The following CDC42SE2 variants were observed in gnomAD, a reference collection of about 807,000 sequenced individuals.
CDC42SE2 encodes the protein CDC42 small effector 2.
A neutral mutation model predicts 11.5 loss-of-function variants in CDC42SE2; 3 were observed. The observed-to-expected ratio is 0.26, with a 90% confidence interval of 0.12 to 0.67. The LOEUF is 0.67. Among genes scored for constraint, CDC42SE2 ranks in the 30% least tolerant of loss-of-function variants. CDC42SE2 has a pLI of 0.80. For synonymous variants in CDC42SE2, 33 were observed against 34.8 expected, an observed-to-expected ratio of 0.95 and a Z score of 0.18; for missense variants, 82 against 106.8, an observed-to-expected ratio of 0.77 and a Z score of 1.02.
chr5:131,327,137 T>C (rs1758316335), intron 2 of CDC42SE2, among the ~76,000 whole-genome samples: 1 of 152,216 alleles, frequency 6.6e-6, no homozygotes, highest in African/African-American at 2.4e-5. Flanking sequence ...CTAACTCCAT[T>C]CCTGCTTTTC....
At chr5:131,242,181 G>A (rs562578061), upstream of CDC42SE2, among the ~76,000 whole-genome samples, 1 of 152,202 alleles carries the variant, frequency 6.6e-6, no homozygotes, top group Admixed American at 6.5e-5. Context: ...TATTTCCACA[G>A]CGAAATCTAA....
At chr5:131,248,350 G>T (rs186001359) in intron 1 of CDC42SE2, among the ~76,000 whole-genome samples, 1 of 151,884 alleles carries the variant, frequency 6.6e-6, no homozygotes, top group Admixed American at 6.6e-5. Flanking sequence ...GTGTTGGTCA[G>T]GCTGGTCTCA....
At chr5:131,372,516 A>G (rs959863492) in intron 3 of CDC42SE2, among the ~76,000 whole-genome samples, 2 of 152,078 alleles carry the variant, frequency 1.3e-5, no homozygotes, top group African/African-American at 4.8e-5. Context: ...GATAAAGACC[A>G]TCCTGGCTAA....
intron 2 of CDC42SE2, among the ~76,000 whole-genome samples, chr5:131,322,157 AT>A (rs1322504810): frequency 6.6e-6 from 1 of 151,920 alleles, no homozygotes; most frequent in African/African-American, 2.4e-5. Flanking sequence ...GCAGAAAAAA[AT>A]TTTTTTTATA....
At chr5:131,276,371 C>T (rs1201626232) in intron 1 of CDC42SE2, among the ~76,000 whole-genome samples, 1 of 151,366 alleles carries the variant, frequency 6.6e-6, no homozygotes, top group East Asian at 1.9e-4. Flanking sequence ...ATTGCTTGAG[C>T]CTAGAAGGTT....
At chr5:131,241,782 C>A (rs1024349527), upstream of CDC42SE2, among the ~76,000 whole-genome samples, 1 of 152,112 alleles carries the variant, frequency 6.6e-6, no homozygotes, top group Non-Finnish European at 1.5e-5. Context: ...CAAATGTCAT[C>A]TTCTCAGTGA....
chr5:131,273,648 T>C (rs1757040486), intron 1 of CDC42SE2, among the ~76,000 whole-genome samples: 1 of 151,230 alleles, frequency 6.6e-6, no homozygotes, highest in African/African-American at 2.4e-5. Flanking sequence ...CGGCTGGTGC[T>C]TGTAGTCCCA....
rs11370516 is a variant in CDC42SE2 at position 131,268,754 on chromosome 5, C to CTTTTT, written c.-455+4605_-455+4609dup. ...AGCATGAGCCACCACACCCGGATTG[C>CTTTTT]TTTTTTTTTTTTTTTTTTTTTGAGA... On this transcript the variant is annotated intron_variant, in intron 1 of 4. Transcript: ENST00000505065. 4.0e-4 allele frequency among the ~76,000 whole-genome samples: 39 copies of CTTTTT among 96,862 alleles called. 3 individuals carry two copies. Among genetic ancestry groups the CTTTTT allele is most frequent in the South Asian group, 1.5e-3 (4 of 2,616 alleles). 63.5% of individuals were successfully genotyped at this position (96,862 alleles called of 152,430 possible). A position where few individuals can be genotyped will look rare whatever the true frequency, so the allele number is the denominator to read the frequency against.
intron 2 of CDC42SE2, among the ~76,000 whole-genome samples, chr5:131,258,450 C>G (rs1451570979): frequency 2.6e-5 from 4 of 152,144 alleles, no homozygotes; most frequent in Non-Finnish European, 5.9e-5. Flanking sequence ...CTTGACATAG[C>G]AGAGTGACCC....
chr5:131,373,749 G>A (rs1193360506), intron 3 of CDC42SE2, among the ~76,000 whole-genome samples: 3 of 152,146 alleles, frequency 2.0e-5, no homozygotes, highest in Non-Finnish European at 4.4e-5. Context: ...ATAGGTCTCA[G>A]ATGATAAGAC....
rs74869102 is a variant in CDC42SE2, at chr5:131,267,984, C to T, written c.-455+3818C>T. On this transcript the variant is annotated intron_variant, in intron 1 of 4. Transcript: ENST00000505065. ...ATGTTAGTAATGTTTTAGTCAGTCT[C>T]AGGGGGACATTATAGTTTTCCTGTG... Among the ~76,000 whole-genome samples, 1,463 of 150,168 alleles carry T rather than the reference C, an allele frequency of 9.7e-3. 25 individuals are homozygous for T. The highest frequency in any genetic ancestry group is 0.034 in the African/African-American group (1,381 of 40,744).
intron 3 of CDC42SE2, among the ~76,000 whole-genome samples, chr5:131,376,315 C>T (rs1420192523): frequency 6.6e-6 from 1 of 151,792 alleles, no homozygotes; most frequent in Non-Finnish European, 1.5e-5. Context: ...GTGGCTGAGA[C>T]AAGAAGTGAG....
At chr5:131,357,407 T>C (rs798416) in intron 2 of CDC42SE2, among the ~76,000 whole-genome samples, 35,266 of 152,112 alleles carry the variant, frequency 0.23, 4,458 homozygotes, top group East Asian at 0.49. Flanking sequence ...AACTTTACAT[T>C]ACATCTTTAT....
chr5:131,332,536 T>A (rs1457198642), intron 2 of CDC42SE2, among the ~76,000 whole-genome samples: 1 of 151,902 alleles, frequency 6.6e-6, no homozygotes, highest in African/African-American at 2.4e-5. Context: ...CCCTGAGGAA[T>A]TGCCACACCA....
At chr5:131,335,838 C>G (rs1304854458) in intron 2 of CDC42SE2, among the ~76,000 whole-genome samples, 1 of 152,184 alleles carries the variant, frequency 6.6e-6, no homozygotes, top group African/African-American at 2.4e-5. Context: ...TTCCTCCATC[C>G]CTTTATTTTG....
At chr5:131,337,701 T>G (rs1207107343) in intron 2 of CDC42SE2, among the ~76,000 whole-genome samples, 1 of 152,224 alleles carries the variant, frequency 6.6e-6, no homozygotes, top group African/African-American at 2.4e-5. Context: ...GCTGCTACTT[T>G]GCAGTTTGAT....
At chr5:131,291,334 G>A (rs1322075158) in intron 1 of CDC42SE2, among the ~76,000 whole-genome samples, 1 of 152,002 alleles carries the variant, frequency 6.6e-6, no homozygotes, top group East Asian at 1.9e-4. Context: ...CAGGTTCCTG[G>A]GAACCACTCC....
chr5:131,241,971 T>G (rs574817625), upstream of CDC42SE2, among the ~76,000 whole-genome samples: 1 of 152,332 alleles, frequency 6.6e-6, no homozygotes, highest in South Asian at 2.1e-4. Context: ...TTTCACTATC[T>G]TGCCACTTGA....
chr5:131,236,723 C>T, the CDC42SE2 span, among the ~76,000 whole-genome samples: 6 of 152,264 alleles, frequency 3.9e-5, no homozygotes, highest in East Asian at 3.9e-4. Context: ...CACACTCAAC[C>T]GATTAAATTT....
Sources: allele counts gnomAD v4.1 joint callset (sites outside exome capture counted in the v4.1 genomes callset), GRCh38; gene constraint gnomAD v4.1.1; transcripts MANE v1.5; gene names NCBI Gene and HGNC (gene_info 2026-07-23, HGNC 2026-07-21).